KLHL1: variants seen among roughly 807,000 people sequenced by gnomAD.
The protein encoded by KLHL1 is kelch-like protein 1.
A neutral mutation model predicts 77.7 loss-of-function variants in KLHL1; 47 were observed. That is an observed-to-expected ratio of 0.60 (90% CI 0.48 to 0.77). The LOEUF (loss-of-function observed/expected upper bound fraction) is 0.77. Among genes scored for constraint, KLHL1 ranks in the 30% least tolerant of loss-of-function variants. The pLI is 0.00. For missense variants in KLHL1, 925 were observed against 910.8 expected (o/e 1.02, Z -0.20); for synonymous variants, 360 against 325.2 (o/e 1.11, Z -1.15).
At chr13:69,814,173 G>T (rs1402971844) in intron 6 of KLHL1, among the ~76,000 whole-genome samples, 1 of 151,916 alleles carries the variant, frequency 6.6e-6, no homozygotes, top group South Asian at 2.1e-4. Context: ...AAATGGTTTC[G>T]GGAACACAGG....
At chr13:69,772,075 C>T (rs1875597935) in intron 7 of KLHL1, among the ~76,000 whole-genome samples, 1 of 152,062 alleles carries the variant, frequency 6.6e-6, no homozygotes, top group African/African-American at 2.4e-5. Context: ...CCTTTGCCTC[C>T]CGAGTAGCTG....
intron 1 of KLHL1, among the ~76,000 whole-genome samples, chr13:70,097,055 G>A (rs1477163223): frequency 6.6e-6 from 1 of 151,938 alleles, no homozygotes; most frequent in East Asian, 1.9e-4. Context: ...ACTTAAGTGA[G>A]TTGGAACTTT....
chr13:70,054,462 A>G (rs1311195454), intron 1 of KLHL1, among the ~76,000 whole-genome samples: 1 of 152,106 alleles, frequency 6.6e-6, no homozygotes, highest in Admixed American at 6.6e-5. Context: ...ATGGATATAT[A>G]CGTAACATTG....
intron 8 of KLHL1, among the ~76,000 whole-genome samples, chr13:69,729,374 AGT>A (rs1345991676): frequency 6.6e-6 from 1 of 152,206 alleles, no homozygotes; most frequent in African/African-American, 2.4e-5. Context: ...CACAAGAAAT[AGT>A]GTCATGAATA....
At chr13:70,101,479 A>G (rs1355273677) in intron 1 of KLHL1, among the ~76,000 whole-genome samples, 1 of 152,040 alleles carries the variant, frequency 6.6e-6, no homozygotes, top group Admixed American at 6.6e-5. Context: ...CCCAGGCTGG[A>G]GTGCAGTGGC....
intron 9 of KLHL1, among the ~76,000 whole-genome samples, chr13:69,716,734 G>A (rs978433506): frequency 6.6e-6 from 1 of 151,964 alleles, no homozygotes; most frequent in African/African-American, 2.4e-5. Context: ...AATTTTGTTT[G>A]GTATCTTAAA....
chr13:69,802,065 G>A (rs1207834766), intron 6 of KLHL1, among the ~76,000 whole-genome samples: 5 of 151,798 alleles, frequency 3.3e-5, no homozygotes, highest in Admixed American at 2.0e-4. Context: ...CCCTCCCTGC[G>A]TCCATGTGTT....
At chr13:70,011,853 C>T (rs1177141110) in intron 1 of KLHL1, among the ~76,000 whole-genome samples, 1 of 152,100 alleles carries the variant, frequency 6.6e-6, no homozygotes, top group Non-Finnish European at 1.5e-5. Flanking sequence ...AAAGACATAC[C>T]TAAGACTGAG....
At chr13:70,027,842 T>C (rs894776207) in intron 1 of KLHL1, among the ~76,000 whole-genome samples, 3 of 152,026 alleles carry the variant, frequency 2.0e-5, no homozygotes, top group African/African-American at 4.8e-5. Context: ...TATTTAGAAT[T>C]GGTTCTGGAG....
intron 1 of KLHL1, among the ~76,000 whole-genome samples, chr13:70,085,643 C>G (rs1400737036): frequency 6.6e-6 from 1 of 152,172 alleles, no homozygotes; most frequent in East Asian, 1.9e-4. Flanking sequence ...GCTGGAAGAT[C>G]ACCTGAGGTC....
intron 1 of KLHL1, among the ~76,000 whole-genome samples, chr13:69,992,245 T>A (rs73514757): frequency 0.14 from 21,903 of 152,002 alleles, 3,227 homozygotes; most frequent in African/African-American, 0.38. Context: ...ACAAATGTAT[T>A]GAGTGCCTAC....
At chr13:69,993,701 C>T (rs552719054) in intron 1 of KLHL1, among the ~76,000 whole-genome samples, 1 of 152,042 alleles carries the variant, frequency 6.6e-6, no homozygotes, top group African/African-American at 2.4e-5. Context: ...CATCTGGATG[C>T]CTTATTATTT....
intron 9 of KLHL1, among the ~76,000 whole-genome samples, chr13:69,711,227 A>G (rs1444784259): frequency 1.3e-5 from 2 of 152,086 alleles, no homozygotes; most frequent in Non-Finnish European, 2.9e-5. Context: ...TTTGTACAGG[A>G]GATATTTAGA....
chr13:70,096,973 T>C (rs1318879752), intron 1 of KLHL1, among the ~76,000 whole-genome samples: 1 of 151,954 alleles, frequency 6.6e-6, no homozygotes, highest in Non-Finnish European at 1.5e-5. Context: ...TGAAGCTAGA[T>C]TAGATTCTGC....
At chr13:69,854,616 T>C (rs1166041571) in intron 5 of KLHL1, among the ~76,000 whole-genome samples, 1 of 152,088 alleles carries the variant, frequency 6.6e-6, no homozygotes, top group African/African-American at 2.4e-5. Flanking sequence ...CAGAAGTTTA[T>C]ATAACATTAT....
intron 1 of KLHL1, among the ~76,000 whole-genome samples, chr13:70,018,198 C>T (rs1218822574): frequency 1.3e-5 from 2 of 152,116 alleles, no homozygotes; most frequent in Admixed American, 6.5e-5. Context: ...CATGATTTTG[C>T]ATATGTTAAT....
intron 2 of KLHL1, among the ~76,000 whole-genome samples, chr13:69,968,265 T>C (rs936799456): frequency 1.3e-5 from 2 of 151,932 alleles, no homozygotes; most frequent in Non-Finnish European, 2.9e-5. Flanking sequence ...TATGTACACA[T>C]ACATACATGA....
chr13:69,789,376 T>A (rs1033888031), intron 7 of KLHL1, among the ~76,000 whole-genome samples: 1 of 152,032 alleles, frequency 6.6e-6, no homozygotes, highest in Admixed American at 6.6e-5. Context: ...TATTTACTTT[T>A]TTTTTGGCAA....
At chr13:69,753,656 A>G (rs1015119638) in intron 7 of KLHL1, among the ~76,000 whole-genome samples, 1 of 152,146 alleles carries the variant, frequency 6.6e-6, no homozygotes, top group Non-Finnish European at 1.5e-5. Context: ...TATTCTATTC[A>G]ATCATTGGCA....
Sources: gnomAD v4.1 joint callset for allele counts (sites outside exome capture counted in the v4.1 genomes callset) on GRCh38, gnomAD v4.1.1 for gene constraint, MANE v1.5 for transcripts, NCBI Gene and HGNC (gene_info 2026-07-23, HGNC 2026-07-21) for gene names.